The following FBXL17 variants were observed in gnomAD, a reference collection of about 807,000 sequenced individuals.
The protein encoded by FBXL17 is F-box and leucine rich repeat protein 17, also known as F-box/LRR-repeat protein 17.
Under a neutral mutation model 66.2 loss-of-function variants are expected in FBXL17, and 22 were observed. That is an observed-to-expected ratio of 0.33 (90% confidence interval 0.24 to 0.47). FBXL17 has a LOEUF of 0.47. Among genes scored for constraint, FBXL17 ranks in the 20% least tolerant of loss-of-function variants. The pLI, the probability that FBXL17 is intolerant of heterozygous loss-of-function variation, is 1.00. For synonymous variants in FBXL17, 474 were observed against 400.5 expected, an observed-to-expected ratio of 1.18 and a Z score of -2.19; for missense variants, 878 against 948.2, an observed-to-expected ratio of 0.93 and a Z score of 0.97.
chr5:108,362,333 A>C (rs914769720), intron 3 of FBXL17, among the ~76,000 whole-genome samples: 4 of 152,156 alleles, frequency 2.6e-5, no homozygotes, highest in Non-Finnish European at 4.4e-5. Context: ...ACTGCATATA[A>C]TTGAGTCACA....
chr5:108,373,237 T>C (rs1395090540), intron 1 of FBXL17, among the ~76,000 whole-genome samples: 1 of 136,292 alleles, frequency 7.3e-6, no homozygotes, highest in Admixed American at 9.3e-5. Flanking sequence ...ATAAATATAA[T>C]ATATATCTAA....
In FBXL17 at chr5:108,137,835, T is replaced by C. The variant is rs138495478; in HGVS notation, c.1745+48282A>G. On this transcript the variant is annotated intron_variant, in intron 6 of 8. Transcript: ENST00000542267. ...GGATAAAGAGAAGCATTACATGTAATTTTAGGTCCAGTACGAACTGGATGA... is the reference window on the plus strand; with the variant it reads ...GGATAAAGAGAAGCATTACATGTAACTTTAGGTCCAGTACGAACTGGATGA... Among the ~76,000 whole-genome samples, 623 of 152,262 alleles carry C rather than the reference T, an allele frequency of 4.1e-3. 3 individuals carry two copies. The highest frequency in any genetic ancestry group is 0.014 in the African/African-American group (596 of 41,556).
intron 7 of FBXL17, among the ~76,000 whole-genome samples, chr5:107,923,074 G>T (rs1750376254): frequency 6.6e-6 from 1 of 152,080 alleles, no homozygotes; most frequent in Non-Finnish European, 1.5e-5. Context: ...TTCATGAAAG[G>T]CTAATAAATA....
chr5:108,129,808 A>C (rs1239398826), intron 6 of FBXL17, among the ~76,000 whole-genome samples: 3 of 151,964 alleles, frequency 2.0e-5, no homozygotes, highest in African/African-American at 7.2e-5. Context: ...CAGGTAAACT[A>C]AGATCTTTTA....
At chr5:108,154,648 C>CACATATGTATATACATATGT (rs1389148464) in intron 6 of FBXL17, among the ~76,000 whole-genome samples, 3 of 116,192 alleles carry the variant, frequency 2.6e-5, no homozygotes, top group African/African-American at 1.1e-4. Flanking sequence ...CACACACACA[C>CACATATGTATATACATATGT]ATATATGTAT....
At chr5:108,072,314 C>A (rs548869820) in intron 6 of FBXL17, among the ~76,000 whole-genome samples, 2 of 152,124 alleles carry the variant, frequency 1.3e-5, no homozygotes, top group Admixed American at 6.5e-5. Flanking sequence ...CAAGCCTTTA[C>A]AAAATATTGT....
chr5:107,961,511 G>A (rs1235168161), intron 7 of FBXL17, among the ~76,000 whole-genome samples: 1 of 152,102 alleles, frequency 6.6e-6, no homozygotes, highest in Non-Finnish European at 1.5e-5. Context: ...ACAGGTGTGA[G>A]GCACCACATC....
At chr5:107,985,982 A>T (rs1323758161) in intron 7 of FBXL17, among the ~76,000 whole-genome samples, 1 of 152,094 alleles carries the variant, frequency 6.6e-6, no homozygotes, top group Non-Finnish European at 1.5e-5. Context: ...ATGTTTGAAA[A>T]ATTACATTAT....
intron 6 of FBXL17, among the ~76,000 whole-genome samples, chr5:108,064,042 A>G (rs1054804018): frequency 1.6e-4 from 25 of 152,090 alleles, no homozygotes; most frequent in African/African-American, 5.8e-4. Flanking sequence ...GTATGTTTGC[A>G]TGTGTTATAT....
intron 1 of FBXL17, among the ~76,000 whole-genome samples, chr5:108,377,027 C>CAT (rs1215867273): frequency 6.6e-6 from 1 of 152,160 alleles, no homozygotes; most frequent in South Asian, 2.1e-4. Context: ...TTTTAATTCA[C>CAT]ATATATATGT....
chr5:108,175,504 T>A (rs982905350), intron 6 of FBXL17, among the ~76,000 whole-genome samples: 7 of 152,244 alleles, frequency 4.6e-5, no homozygotes, highest in African/African-American at 1.7e-4. Context: ...ACAACTTTGA[T>A]ATTTTTCATA....
intron 7 of FBXL17, among the ~76,000 whole-genome samples, chr5:107,949,776 C>G (rs1032189282): frequency 1.3e-5 from 2 of 152,168 alleles, no homozygotes; most frequent in Admixed American, 1.3e-4. Flanking sequence ...ACAACAACTC[C>G]AAGAAATAGA....
intron 4 of FBXL17, among the ~76,000 whole-genome samples, chr5:108,337,738 C>G (rs942681971): frequency 4.0e-5 from 6 of 148,990 alleles, no homozygotes; most frequent in African/African-American, 1.5e-4. Context: ...AAGACAGAGA[C>G]TAGTAACTGA....
At chr5:108,334,080 T>C (rs1464027485) in intron 4 of FBXL17, among the ~76,000 whole-genome samples, 2 of 152,228 alleles carry the variant, frequency 1.3e-5, no homozygotes, top group African/African-American at 2.4e-5. Flanking sequence ...CATTTCCAAA[T>C]ATATAGTGAT....
rs1759249410 is a variant in FBXL17, at chr5:108,314,204, AT to A, written c.1506+34194del. 2.0e-5 allele frequency among the ~76,000 whole-genome samples: 3 copies of A among 151,862 alleles called. No homozygotes were observed. In the South Asian group the frequency reaches 6.2e-4, roughly 31 times the overall value. On this transcript the variant is annotated intron_variant, in intron 4 of 8. Coordinates refer to ENST00000542267, the MANE Select transcript of FBXL17 (RefSeq NM_001163315.3). ...ATCATGGAGCCTTAAATGCTAACAT[AT>A]TTTCACATTCTTCTGAATATATTTT...
intron 5 of FBXL17, among the ~76,000 whole-genome samples, chr5:108,199,161 A>G (rs544890859): frequency 6.6e-6 from 1 of 152,264 alleles, no homozygotes; most frequent in South Asian, 2.1e-4. Context: ...TTACCTTAAT[A>G]TTGCATACTT....
At chr5:108,111,706 G>A (rs913908622) in intron 6 of FBXL17, among the ~76,000 whole-genome samples, 1 of 152,118 alleles carries the variant, frequency 6.6e-6, no homozygotes, top group African/African-American at 2.4e-5. Flanking sequence ...GTACATGCTA[G>A]CTTTTTCAAC....
chr5:108,111,280 A>C (rs150306887), intron 6 of FBXL17, among the ~76,000 whole-genome samples: 1 of 152,324 alleles, frequency 6.6e-6, no homozygotes, highest in Non-Finnish European at 1.5e-5. Context: ...AGTTACAAAT[A>C]AAGGTTTGAT....
intron 3 of FBXL17, among the ~76,000 whole-genome samples, chr5:108,361,634 C>G (rs1210311634): frequency 6.6e-6 from 1 of 152,102 alleles, no homozygotes; most frequent in Non-Finnish European, 1.5e-5. Context: ...GGCTCTTTCT[C>G]CTAGGTCAAT....
Sources: allele counts gnomAD v4.1 joint callset (sites outside exome capture counted in the v4.1 genomes callset), GRCh38; gene constraint gnomAD v4.1.1; transcripts MANE v1.5; gene names NCBI Gene and HGNC (gene_info 2026-07-23, HGNC 2026-07-21).